OPRPN: variants seen among roughly 807,000 people sequenced by gnomAD.
OPRPN encodes basic proline-rich lacrimal protein.
A neutral mutation model predicts 2.2 loss-of-function variants in OPRPN; 1 was observed. The ratio of observed to expected loss-of-function variants is 0.45; its 90% CI spans 0.16 to 2.15. OPRPN has a LOEUF of 2.15. Ranked by LOEUF, OPRPN falls within the 30% of genes most tolerant of loss-of-function variation. The probability of loss-of-function intolerance (pLI) is 0.28; values close to 1 mark genes in which losing one functional copy is unlikely to be tolerated. For synonymous variants in OPRPN, 126 were observed against 111.5 expected (o/e 1.13, Z -0.82); for missense variants, 306 against 297.3 (o/e 1.03, Z -0.21).
At chr4:70,398,393 G>A (rs1345006282) in intron 1 of OPRPN, among the ~76,000 whole-genome samples, 1 of 151,818 alleles carries the variant, frequency 6.6e-6, no homozygotes, top group East Asian at 1.9e-4. Flanking sequence ...TTTGAGTTAG[G>A]TTTCTTATGT....
At chr4:70,404,422 C>CA (rs886752140) in intron 2 of OPRPN, among the ~76,000 whole-genome samples, 63 of 151,546 alleles carry the variant, frequency 4.2e-4, no homozygotes, top group African/African-American at 1.5e-3. Flanking sequence ...TTGCTCAAGC[C>CA]AAAAAAAACT....
intron 2 of OPRPN, among the ~76,000 whole-genome samples, chr4:70,409,116 AT>A (rs1346846766): frequency 6.6e-6 from 1 of 152,154 alleles, no homozygotes; most frequent in Non-Finnish European, 1.5e-5. Context: ...TACAGGTCAG[AT>A]AGCAAGGTTA....
intron 2 of OPRPN, among the ~76,000 whole-genome samples, chr4:70,405,867 T>C (rs971052476): frequency 6.6e-6 from 1 of 151,692 alleles, no homozygotes; most frequent in Non-Finnish European, 1.5e-5. Context: ...AGTTCGAGAC[T>C]AGCCTGGGCA....
Position 70,409,622 on chromosome 4 carries a change from C to G in OPRPN, c.294C>G (p.Leu98=), listed in dbSNP as rs2109773537. The stretch of plus-strand genomic sequence containing the variant: ...TGGAATCTATTAGACAACCTCGACT[C>G]TTTCCGGGTTATCCAAACCTACATT... ...FPLESIRQPR[L]FPGYPNLHFP... Residue 98 remains leucine, a synonymous_variant, in exon 3 of 3, where the codon CTC becomes CTG. Transcript: ENST00000399575. 1.2e-6 allele frequency: 2 copies of G among 1,614,066 alleles called. No individual in the cohort carries two copies. Among genetic ancestry groups the G allele is most frequent in the Non-Finnish European group, 1.7e-6 (2 of 1,179,928 alleles).
intron 1 of OPRPN, among the ~76,000 whole-genome samples, chr4:70,398,902 C>T (rs1732915187): frequency 2.0e-5 from 3 of 151,840 alleles, no homozygotes; most frequent in African/African-American, 4.8e-5. Context: ...AATCTGTAAG[C>T]TTTGACTAAT....
intron 2 of OPRPN, among the ~76,000 whole-genome samples, chr4:70,401,665 A>T (rs1427706004): frequency 6.6e-6 from 1 of 152,098 alleles, no homozygotes; most frequent in Non-Finnish European, 1.5e-5. Context: ...AGTTGACGCC[A>T]AGTAATAACA....
Position 70,405,366 on chromosome 4 carries a change from C to A in OPRPN, c.52-4014C>A, listed in dbSNP as rs115278425. 8.0e-3 allele frequency among the ~76,000 whole-genome samples: 1,222 copies of A among 152,286 alleles called. 13 individuals carry two copies. Among genetic ancestry groups the A allele is most frequent in the African/African-American group, 0.02 (836 of 41,556 alleles). ...ATTTGCTGTAAGGTGTAATTTTTCACATGATTTCTCCCCACCTCTGCTTAG... is the reference window on the plus strand; with the variant it reads ...ATTTGCTGTAAGGTGTAATTTTTCAAATGATTTCTCCCCACCTCTGCTTAG... On this transcript the variant is annotated intron_variant, in intron 2 of 2. Coordinates refer to ENST00000399575, the MANE Select transcript of OPRPN (RefSeq NM_021225.5).
chr4:70,408,122 T>C (rs1398821837), intron 2 of OPRPN, among the ~76,000 whole-genome samples: 1 of 152,194 alleles, frequency 6.6e-6, no homozygotes. Context: ...CCAGCAATGT[T>C]CATCACCATG....
intron 2 of OPRPN, among the ~76,000 whole-genome samples, chr4:70,406,108 G>A (rs2109771512): frequency 6.6e-6 from 1 of 152,154 alleles, no homozygotes; most frequent in Admixed American, 6.6e-5. Flanking sequence ...GCCAGAAACT[G>A]GAGATAGAAT....
At chr4:70,399,225 G>A in intron 1 of OPRPN, 46 bp from the exon 2 acceptor site, 2 of 1,417,846 alleles carry the variant, frequency 1.4e-6, no homozygotes, top group Non-Finnish European at 2.0e-6. Flanking sequence ...GAAAAACACT[G>A]TTGATCGATT....
Position 70,409,630 on chromosome 4 carries a change from G to C in OPRPN, c.302G>C (p.Gly101Ala). 2 of 1,613,942 alleles carry C rather than the reference G, an allele frequency of 1.2e-6. No individual in the cohort carries two copies. Among genetic ancestry groups the C allele is most frequent in the South Asian group, 2.2e-5 (2 of 91,060 alleles). ...ESIRQPRLFP[G>A]YPNLHFPLRP... ...ATTAGACAACCTCGACTCTTTCCGG[G>C]TTATCCAAACCTACATTTCCCACTA... Residue 101 changes from glycine to alanine, a missense_variant, in exon 3 of 3, where the codon GGT becomes GCT. Physicochemically the swap from Gly to Ala is moderately conservative, Grantham distance 60. Transcript: ENST00000399575.
intron 2 of OPRPN, among the ~76,000 whole-genome samples, chr4:70,408,120 G>GT (rs1320191460): frequency 1.3e-5 from 2 of 152,148 alleles, no homozygotes; most frequent in Non-Finnish European, 2.9e-5. Flanking sequence ...CTCCAGCAAT[G>GT]TTCATCACCA....
intron 2 of OPRPN, among the ~76,000 whole-genome samples, chr4:70,407,901 C>G (rs868460715): frequency 2.0e-5 from 3 of 152,222 alleles, no homozygotes; most frequent in Middle Eastern, 3.4e-3. Context: ...GAAGTTCTCA[C>G]GTATCATGGC....
At chr4:70,409,061 C>A (rs1270652793) in intron 2 of OPRPN, among the ~76,000 whole-genome samples, 1 of 152,286 alleles carries the variant, frequency 6.6e-6, no homozygotes, top group East Asian at 1.9e-4. Flanking sequence ...CAAAGGTGGT[C>A]TTTTCTTATA....
intron 2 of OPRPN, 139 bp from the exon 3 acceptor site, chr4:70,409,241 G>A: frequency 1.6e-6 from 1 of 629,002 alleles, no homozygotes; most frequent in Non-Finnish European, 2.6e-6. Context: ...TATTTTCTCA[G>A]TGAAATACAT....
In OPRPN at chr4:70,409,870, CTA is replaced by C; in HGVS notation, c.544_545del (p.Ile182LeufsTer20). 6.2e-7 allele frequency: 1 copy of C among 1,613,636 alleles called. No homozygotes were observed. The highest frequency in any genetic ancestry group is 8.5e-7 in the Non-Finnish European group (1 of 1,179,734). On this transcript the variant is annotated frameshift_variant, in exon 3 of 3. Coordinates refer to ENST00000399575, the MANE Select transcript of OPRPN (RefSeq NM_021225.5). LOFTEE classifies it low-confidence loss of function (END_TRUNC). ...ATGACGATCAGCTCCTCAACAGTAC[CTA>C]TCTCTTCAACACCAGAGCCTGCCAC... is the stretch of plus-strand genomic sequence containing the variant.
intron 2 of OPRPN, among the ~76,000 whole-genome samples, chr4:70,403,319 G>A (rs1394224238): frequency 6.6e-6 from 1 of 152,142 alleles, no homozygotes; most frequent in Non-Finnish European, 1.5e-5. Flanking sequence ...CAACTTGGCT[G>A]AGGTAGCTTG....
rs942686303 is a variant in OPRPN, at chr4:70,398,045, G to A, written c.-16+5G>A. 8 of 151,846 alleles carry A rather than the reference G, an allele frequency of 5.3e-5. No homozygotes were observed. In the Admixed American group the frequency reaches 5.3e-4, roughly 10 times the overall value. 9.4% of individuals were successfully genotyped at this position (151,846 alleles called of 1,614,324 possible). Reference sequence around the variant, plus strand: ...AAAGAAGAATCTTCTACCAAGGTAGGTATATAGAAATATAAATGTAAGAAT... The same window carrying A: ...AAAGAAGAATCTTCTACCAAGGTAGATATATAGAAATATAAATGTAAGAAT... On this transcript the variant is annotated splice_donor_5th_base_variant and intron_variant, in intron 1 of 2. Transcript: ENST00000399575.
intron 2 of OPRPN, among the ~76,000 whole-genome samples, chr4:70,407,819 G>C (rs1160504294): frequency 1.3e-5 from 2 of 152,184 alleles, no homozygotes; most frequent in Non-Finnish European, 2.9e-5. Flanking sequence ...CAGGTGAAGA[G>C]ACTGGTCTTA....
Sources: allele counts gnomAD v4.1 joint callset (sites outside exome capture counted in the v4.1 genomes callset), GRCh38; gene constraint gnomAD v4.1.1; transcripts MANE v1.5; gene names NCBI Gene and HGNC (gene_info 2026-07-23, HGNC 2026-07-21).